Variants in ZNF385D observed in about 807,000 individuals in gnomAD.
ZNF385D encodes the protein zinc finger protein 659.
Under a neutral mutation model 35.8 loss-of-function variants are expected in ZNF385D, and 15 were observed. The ratio of observed to expected loss-of-function variants is 0.42; its 90% confidence interval spans 0.28 to 0.64. The LOEUF is 0.64. ZNF385D is among the 30% of genes least tolerant of loss of function. The probability of loss-of-function intolerance (pLI) is 0.23; values close to 1 mark genes in which losing one functional copy is unlikely to be tolerated. For synonymous variants in ZNF385D, 212 were observed against 186.8 expected, an observed-to-expected ratio of 1.13 and a Z score of -1.10; for missense variants, 474 against 494.6, an observed-to-expected ratio of 0.96 and a Z score of 0.39.
intron 3 of ZNF385D, among the ~76,000 whole-genome samples, chr3:22,152,144 G>A (rs902049921): frequency 1.7e-4 from 26 of 152,088 alleles, no homozygotes; most frequent in African/African-American, 5.1e-4. Context: ...TATGAATGAT[G>A]ACCTCCAGCT....
intron 1 of ZNF385D, among the ~76,000 whole-genome samples, chr3:21,688,756 T>G (rs1174074458): frequency 6.6e-6 from 1 of 152,188 alleles, no homozygotes; most frequent in Non-Finnish European, 1.5e-5. Context: ...AGCTCTATAA[T>G]TTTTAAAATG....
upstream of ZNF385D, among the ~76,000 whole-genome samples, chr3:21,752,177 G>C (rs1197831263): frequency 6.6e-6 from 1 of 152,114 alleles, no homozygotes; most frequent in Non-Finnish European, 1.5e-5. Flanking sequence ...TGAAAGCTGT[G>C]CTGATTAATA....
At position 22,222,012 on chromosome 3, in the gene ZNF385D, C is replaced by A. The variant is rs2638139; in HGVS notation, c.107-52977G>T. 2.1e-4 allele frequency among the ~76,000 whole-genome samples: 32 copies of A among 152,006 alleles called. No individual in the cohort carries two copies. In the South Asian group the frequency reaches 5.4e-3, roughly 26 times the overall value. ...TTTTTTTTTTAAGACAGTCTCATTC[C>A]ATCGTCCAGGCTGGAGTGCAGTGGT... On this transcript the variant is annotated intron_variant, in intron 2 of 5. Coordinates refer to the ZNF385D transcript ENST00000494108.
chr3:21,906,914 T>C (rs1293427109), intron 3 of ZNF385D, among the ~76,000 whole-genome samples: 1 of 152,174 alleles, frequency 6.6e-6, no homozygotes, highest in South Asian at 2.1e-4. Context: ...ACTAGCTTCA[T>C]ATTAATCCTG....
At chr3:22,098,793 T>TA (rs1399373716) in intron 3 of ZNF385D, among the ~76,000 whole-genome samples, 1 of 151,408 alleles carries the variant, frequency 6.6e-6, no homozygotes, top group Non-Finnish European at 1.5e-5. Context: ...AGCAAATAAA[T>TA]AAAGATGAAA....
intron 3 of ZNF385D, among the ~76,000 whole-genome samples, chr3:21,907,194 G>A (rs1270929567): frequency 6.6e-6 from 1 of 152,074 alleles, no homozygotes; most frequent in Admixed American, 6.6e-5. Context: ...CTTAATAGAT[G>A]TATAATAAAG....
At chr3:22,178,198 C>A (rs1313526440) in intron 2 of ZNF385D, among the ~76,000 whole-genome samples, 1 of 152,182 alleles carries the variant, frequency 6.6e-6, no homozygotes, top group Admixed American at 6.5e-5. Context: ...TACAGTCCCA[C>A]CAACAGTGTA....
chr3:21,565,386 G>T (rs2063107710), intron 2 of ZNF385D, among the ~76,000 whole-genome samples: 1 of 152,066 alleles, frequency 6.6e-6, no homozygotes, highest in Admixed American at 6.6e-5. Context: ...ATAAAGTTTA[G>T]TGTCCCTTCA....
intron 2 of ZNF385D, among the ~76,000 whole-genome samples, chr3:21,651,500 C>G (rs541179004): frequency 1.3e-5 from 2 of 151,374 alleles, no homozygotes; most frequent in South Asian, 4.2e-4. Flanking sequence ...CTAGTAGGCA[C>G]AGCAATGTGG....
intron 3 of ZNF385D, among the ~76,000 whole-genome samples, chr3:22,038,243 G>T (rs1156814114): frequency 1.3e-5 from 2 of 152,130 alleles, no homozygotes; most frequent in African/African-American, 2.4e-5. Flanking sequence ...AAACATTCAA[G>T]AAAGATAAAA....
At chr3:22,239,225 T>C (rs1249315592) in intron 2 of ZNF385D, among the ~76,000 whole-genome samples, 2 of 151,174 alleles carry the variant, frequency 1.3e-5, no homozygotes, top group Non-Finnish European at 2.9e-5. Flanking sequence ...GCTACCAGTA[T>C]CTTTAAGTAA....
intron 2 of ZNF385D, among the ~76,000 whole-genome samples, chr3:22,228,492 C>G (rs566111397): frequency 1.3e-5 from 2 of 152,308 alleles, no homozygotes; most frequent in Admixed American, 1.3e-4. Flanking sequence ...AGTGTCCACT[C>G]TGCCACTCCC....
chr3:21,832,957 A>T (rs2670246), intron 3 of ZNF385D, among the ~76,000 whole-genome samples: 135,701 of 152,176 alleles, frequency 0.89, 60,759 homozygotes, highest in African/African-American at 0.96. Context: ...TCTAAATATT[A>T]TATAAAAATC....
intron 3 of ZNF385D, among the ~76,000 whole-genome samples, chr3:21,553,087 A>G (rs1358190969): frequency 6.6e-6 from 1 of 152,170 alleles, no homozygotes; most frequent in African/African-American, 2.4e-5. Context: ...GAATGCAGGC[A>G]ACTTCTAGAA....
chr3:22,229,469 T>C (rs1198306778), intron 2 of ZNF385D, among the ~76,000 whole-genome samples: 1 of 152,210 alleles, frequency 6.6e-6, no homozygotes. Flanking sequence ...AGCATTGATA[T>C]TGTTGGCTGT....
intron 3 of ZNF385D, among the ~76,000 whole-genome samples, chr3:21,958,430 A>G (rs1413863502): frequency 6.6e-6 from 1 of 152,132 alleles, no homozygotes; most frequent in Non-Finnish European, 1.5e-5. Flanking sequence ...TATTTCTCCA[A>G]AAGATCACTA....
chr3:22,059,504 G>GT (rs1361846391), intron 3 of ZNF385D, among the ~76,000 whole-genome samples: 1 of 152,156 alleles, frequency 6.6e-6, no homozygotes, highest in Non-Finnish European at 1.5e-5. Flanking sequence ...AGTGACAGAC[G>GT]TATCTTTCTT....
At chr3:21,429,392 A>G (rs1701186608) in intron 5 of ZNF385D, among the ~76,000 whole-genome samples, 1 of 152,112 alleles carries the variant, frequency 6.6e-6, no homozygotes, top group Admixed American at 6.6e-5. Flanking sequence ...AGAAATGCAC[A>G]TGATTTTTAA....
intron 3 of ZNF385D, among the ~76,000 whole-genome samples, chr3:22,149,149 T>G (rs935685202): frequency 6.6e-6 from 1 of 152,118 alleles, no homozygotes; most frequent in Non-Finnish European, 1.5e-5. Context: ...AATCTGCATT[T>G]TAGACCCCCG....
Sources: allele counts gnomAD v4.1 joint callset (sites outside exome capture counted in the v4.1 genomes callset), GRCh38; gene constraint gnomAD v4.1.1; transcripts MANE v1.5; gene names NCBI Gene and HGNC (gene_info 2026-07-23, HGNC 2026-07-21).